Variants in DNAAF9 observed in about 807,000 individuals in gnomAD.
The protein encoded by DNAAF9 is dynein axonemal assembly factor 9.
A neutral mutation model predicts 167.0 loss-of-function variants in DNAAF9; 90 were observed. The ratio of observed to expected loss-of-function variants is 0.54; its 90% CI spans 0.45 to 0.64. The LOEUF (loss-of-function observed/expected upper bound fraction) is 0.64. Among genes scored for constraint, DNAAF9 ranks in the 30% least tolerant of loss-of-function variants. The pLI is 0.00. For synonymous variants in DNAAF9, 491 were observed against 508.8 expected (o/e 0.96, Z 0.47); for missense variants, 1,315 against 1,442.2 (o/e 0.91, Z 1.43).
chr20:3,291,752 G>T (rs1277929132), intron 25 of DNAAF9, among the ~76,000 whole-genome samples: 1 of 152,122 alleles, frequency 6.6e-6, no homozygotes, highest in Non-Finnish European at 1.5e-5. Context: ...GCCCACATCA[G>T]CACAGAGAAG....
intron 29 of DNAAF9, among the ~76,000 whole-genome samples, chr20:3,272,971 C>T (rs2068619701): frequency 6.6e-6 from 1 of 152,132 alleles, no homozygotes; most frequent in Non-Finnish European, 1.5e-5. Context: ...GCTGGGATTA[C>T]AGGCATGCAC....
At chr20:3,343,600 C>T (rs1393713509) in intron 9 of DNAAF9, 76 bp downstream of exon 9, 5 of 1,111,994 alleles carry the variant, frequency 4.5e-6, no homozygotes, top group Admixed American at 1.9e-5. Context: ...CTTGAATGCA[C>T]CCCCACAGCC....
At chr20:3,385,635 CT>C (rs550307097) in intron 1 of DNAAF9, among the ~76,000 whole-genome samples, 26 of 152,262 alleles carry the variant, frequency 1.7e-4, no homozygotes, top group Non-Finnish European at 3.2e-4. Context: ...ACTTTGTTGC[CT>C]CCCTAGGCTG....
intron 31 of DNAAF9, among the ~76,000 whole-genome samples, chr20:3,260,861 G>A (rs2068373327): frequency 2.6e-5 from 4 of 152,106 alleles, no homozygotes; most frequent in Admixed American, 2.6e-4. Context: ...CAAACTCCTG[G>A]CCTCAAGTGA....
intron 7 of DNAAF9, among the ~76,000 whole-genome samples, chr20:3,355,208 GGAT>G (rs2083268023): frequency 6.6e-6 from 1 of 152,004 alleles, no homozygotes; most frequent in South Asian, 2.1e-4. Context: ...GTTCGCCAGG[GGAT>G]GATGATGTTT....
At chr20:3,368,999 C>T (rs145972204) in intron 6 of DNAAF9, among the ~76,000 whole-genome samples, 12 of 152,180 alleles carry the variant, frequency 7.9e-5, no homozygotes, top group African/African-American at 2.2e-4. Context: ...CATGGTGGAG[C>T]ATGCCTGTAA....
At chr20:3,332,883 T>C (rs921766232) in intron 10 of DNAAF9, among the ~76,000 whole-genome samples, 9 of 139,378 alleles carry the variant, frequency 6.5e-5, no homozygotes, top group East Asian at 2.0e-4. Flanking sequence ...TGCATGCGTG[T>C]GTGCGTGTGT....
At chr20:3,379,487 G>A (rs565599507) in intron 3 of DNAAF9, among the ~76,000 whole-genome samples, 28 of 152,052 alleles carry the variant, frequency 1.8e-4, no homozygotes, top group African/African-American at 3.4e-4. Flanking sequence ...CCAGCTGCTC[G>A]GGAGGCTGAG....
At chr20:3,404,105 C>T (rs190615083) in intron 1 of DNAAF9, among the ~76,000 whole-genome samples, 1 of 152,358 alleles carries the variant, frequency 6.6e-6, no homozygotes, top group Non-Finnish European at 1.5e-5. Context: ...TCTTGGCTCA[C>T]TGCAACCTCC....
At chr20:3,270,136 C>CTT (rs56942768) in intron 30 of DNAAF9, among the ~76,000 whole-genome samples, 8,031 of 125,410 alleles carry the variant, frequency 0.064, 473 homozygotes, top group African/African-American at 0.13. Context: ...GCCCAGCCTG[C>CTT]TTTTTTTTTT....
intron 6 of DNAAF9, among the ~76,000 whole-genome samples, chr20:3,363,478 C>A (rs1205657364): frequency 5.9e-5 from 8 of 136,278 alleles, no homozygotes; most frequent in Non-Finnish European, 6.4e-5. Context: ...AAAATAAAAA[C>A]TAAAAAATAA....
At chr20:3,278,295 C>A (rs1292792520) in intron 29 of DNAAF9, among the ~76,000 whole-genome samples, 2 of 152,086 alleles carry the variant, frequency 1.3e-5, no homozygotes, top group Admixed American at 6.6e-5. Flanking sequence ...ACTCTTGGGG[C>A]AGAAGTGAAT....
chr20:3,387,933 G>GC (rs1568643959), intron 1 of DNAAF9, among the ~76,000 whole-genome samples: 1 of 144,124 alleles, frequency 6.9e-6, no homozygotes, highest in East Asian at 2.0e-4. Flanking sequence ...GGATGTGGTA[G>GC]CATGTGCCTG....
At chr20:3,350,850 C>T (rs1387286709) in intron 7 of DNAAF9, among the ~76,000 whole-genome samples, 1 of 152,048 alleles carries the variant, frequency 6.6e-6, no homozygotes, top group Admixed American at 6.6e-5. Flanking sequence ...GATATAAACA[C>T]ATCAAATATG....
In DNAAF9 at chr20:3,381,364, C is replaced by T. The variant is rs749935966; in HGVS notation, c.283+15G>A. The T allele has an allele frequency of 1.3e-6, 2 of 1,593,134 alleles. No individual in the cohort carries two copies. The highest frequency in any genetic ancestry group is 8.6e-7 in the Non-Finnish European group (1 of 1,164,332). On this transcript the variant is annotated intron_variant, in intron 3 of 36. Transcript: ENST00000252032. Reference sequence around the variant, plus strand: ...TTACTCTTCTATCACACAGAGTTTACCAATATATACTTACCATCTAGTACT... The same window carrying T: ...TTACTCTTCTATCACACAGAGTTTATCAATATATACTTACCATCTAGTACT...
At chr20:3,322,985 TGCA>T (rs1246881266) in intron 14 of DNAAF9, among the ~76,000 whole-genome samples, 1 of 151,972 alleles carries the variant, frequency 6.6e-6, no homozygotes, top group Non-Finnish European at 1.5e-5. Flanking sequence ...TGCTGCTCAC[TGCA>T]GACTGAGAAT....
chr20:3,308,935 C>A (rs1381886839), intron 20 of DNAAF9, among the ~76,000 whole-genome samples: 1 of 152,150 alleles, frequency 6.6e-6, no homozygotes, highest in Non-Finnish European at 1.5e-5. Flanking sequence ...TCCCAACAGA[C>A]CTTGTCCCAC....
At chr20:3,337,100 C>T (rs775728272) in intron 10 of DNAAF9, among the ~76,000 whole-genome samples, 17 of 151,748 alleles carry the variant, frequency 1.1e-4, no homozygotes, top group South Asian at 2.1e-4. Context: ...AGGATGGTCT[C>T]GATTTCCTGA....
At chr20:3,307,143 G>T (rs2069313165) in intron 20 of DNAAF9, 1 of 984,874 alleles carries the variant, frequency 1.0e-6, no homozygotes. Context: ...GGGAAAGGAT[G>T]AGCGAGGTCA....
Sources: allele counts gnomAD v4.1 joint callset (sites outside exome capture counted in the v4.1 genomes callset), GRCh38; gene constraint gnomAD v4.1.1; transcripts MANE v1.5; gene names NCBI Gene and HGNC (gene_info 2026-07-23, HGNC 2026-07-21).